The following MTAP variants were observed in gnomAD, a reference collection of about 807,000 sequenced individuals.
MTAP encodes S-methyl-5'-thioadenosine phosphorylase.
A neutral mutation model predicts 33.6 loss-of-function variants in MTAP; 33 were observed. The ratio of observed to expected loss-of-function variants is 0.98; its 90% CI spans 0.74 to 1.31. MTAP has a LOEUF of 1.31. Among genes scored for constraint, MTAP ranks in the 40% most tolerant of loss-of-function variants. The probability of loss-of-function intolerance (pLI) is 0.00; values close to 1 mark genes in which losing one functional copy is unlikely to be tolerated. For missense variants in MTAP, 367 were observed against 360.0 expected (o/e 1.02, Z -0.16); for synonymous variants, 148 against 125.7 (o/e 1.18, Z -1.19).
At chr9:21,918,832 T>G (rs1396634867) in intron 1 of MTAP, among the ~76,000 whole-genome samples, 1 of 151,660 alleles carries the variant, frequency 6.6e-6, no homozygotes, top group East Asian at 1.9e-4. Flanking sequence ...TTGTGAGGCC[T>G]CTTCAACCAT....
At chr9:21,915,233 C>T (rs1306282716) in intron 1 of MTAP, among the ~76,000 whole-genome samples, 1 of 151,486 alleles carries the variant, frequency 6.6e-6, no homozygotes, top group East Asian at 1.9e-4. Flanking sequence ...GGACTACAGG[C>T]ACCCGCCACC....
In MTAP at chr9:21,859,384, A is replaced by G. The variant is rs181734039; in HGVS notation, c.772A>G (p.Ile258Val). The change falls in exon 7 of 8, where the codon ATA becomes GTA. Residue 258 changes from isoleucine (I) to valine (V), a missense_variant. Physicochemically the swap from Ile to Val is conservative, Grantham distance 29. Coordinates refer to ENST00000644715, the MANE Select transcript of MTAP (RefSeq NM_002451.4). Reference sequence around the variant, plus strand: ...CTTACTGCTCACTACCATACCTCAGATAGGGTCCACAGAATGGTCAGAAAC... The same window carrying G: ...CTTACTGCTCACTACCATACCTCAGGTAGGGTCCACAGAATGGTCAGAAAC... The part of the protein sequence containing the change: ...KSLLLTTIPQ[I>V]GSTEWSETLH... The G allele has an allele frequency of 5.6e-6, 9 of 1,613,638 alleles. No homozygotes were observed. In the East Asian group the frequency reaches 2.0e-4, roughly 36 times the overall value.
Position 21,864,368 on chromosome 9 carries a change from A to C in MTAP, c.*2354A>C. 3 of 984,224 alleles carry C rather than the reference A, an allele frequency of 3.0e-6. No individual in the cohort carries two copies. Among genetic ancestry groups the C allele is most frequent in the Non-Finnish European group, 3.6e-6 (3 of 829,654 alleles). The allele number at this position is 984,224 out of a possible 1,614,324, so 61.0% of individuals were successfully genotyped here. ...TGTACTAATTTTTTTTTTTTAATTT[A>C]AGCTAGTATACTAAGTGAACACCAT... On this transcript the variant is annotated 3_prime_UTR_variant, in exon 8 of 8. Coordinates refer to ENST00000644715, the MANE Select transcript of MTAP (RefSeq NM_002451.4).
intron 1 of MTAP, chr9:21,930,115 C>A (rs1446227281): frequency 4.3e-6 from 2 of 464,786 alleles, no homozygotes; most frequent in Non-Finnish European, 4.3e-6. Flanking sequence ...AAATTGCCAA[C>A]CTCAGCTCCA....
At chr9:21,810,867 C>G (rs1824328424) in intron 1 of MTAP, among the ~76,000 whole-genome samples, 1 of 152,180 alleles carries the variant, frequency 6.6e-6, no homozygotes, top group Non-Finnish European at 1.5e-5. Context: ...CCCAGCTATC[C>G]CTGTGGACCC....
At chr9:21,842,719 G>C (rs1563843028) in intron 5 of MTAP, among the ~76,000 whole-genome samples, 1 of 152,142 alleles carries the variant, frequency 6.6e-6, no homozygotes, top group Non-Finnish European at 1.5e-5. Flanking sequence ...GAGAGAATTT[G>C]CCACTATTGA....
chr9:21,832,181 C>A (rs567158850), intron 4 of MTAP, among the ~76,000 whole-genome samples: 2 of 152,188 alleles, frequency 1.3e-5, no homozygotes, highest in Admixed American at 6.5e-5. Flanking sequence ...AGGAAAGTCC[C>A]GCTATAAACA....
intron 1 of MTAP, among the ~76,000 whole-genome samples, chr9:21,879,312 C>G (rs1817958075): frequency 1.3e-5 from 2 of 152,090 alleles, no homozygotes; most frequent in Admixed American, 1.3e-4. Context: ...TAATGCCCTT[C>G]TTTATCTTTT....
intron 4 of MTAP, among the ~76,000 whole-genome samples, chr9:21,833,224 C>T (rs761786379): frequency 6.6e-6 from 1 of 152,138 alleles, no homozygotes; most frequent in South Asian, 2.1e-4. Context: ...ATCTCACTCT[C>T]GCCCAAGCTG....
At chr9:21,835,746 C>T (rs1233449821) in intron 4 of MTAP, among the ~76,000 whole-genome samples, 1 of 152,194 alleles carries the variant, frequency 6.6e-6, no homozygotes, top group African/African-American at 2.4e-5. Context: ...TTGTAAACCT[C>T]ATTGCTCTTG....
intron 3 of MTAP, 39 bp downstream of exon 3, chr9:21,816,811 G>C (rs1378012787): frequency 6.5e-7 from 1 of 1,531,872 alleles, no homozygotes; most frequent in Admixed American, 1.9e-5. Context: ...ACTACTAAAG[G>C]ATAATTTAAA....
intron 1 of MTAP, among the ~76,000 whole-genome samples, chr9:21,874,313 T>G (rs954885183): frequency 4.6e-5 from 7 of 152,318 alleles, no homozygotes; most frequent in Non-Finnish European, 5.9e-5. Flanking sequence ...AATATTTCCA[T>G]GATAAGAATA....
chr9:21,851,032 TAAAGA>T (rs1337383180), intron 5 of MTAP, among the ~76,000 whole-genome samples: 2 of 152,128 alleles, frequency 1.3e-5, no homozygotes, highest in Non-Finnish European at 2.9e-5. Context: ...ACAATGGAAG[TAAAGA>T]AGAGTACACA....
chr9:21,811,975 C>T (rs1271491594), intron 1 of MTAP: 1 of 317,350 alleles, frequency 3.2e-6, no homozygotes, highest in East Asian at 7.8e-5. Context: ...ATGTGCATGT[C>T]CACCTCCTTC....
chr9:21,837,731 A>G (rs1246127990), intron 4 of MTAP, among the ~76,000 whole-genome samples, 177 bp from the exon 5 acceptor site: 2 of 152,188 alleles, frequency 1.3e-5, no homozygotes, highest in Non-Finnish European at 2.9e-5. Flanking sequence ...GAGCCAAAAA[A>G]GCGGAATACC....
chr9:21,814,550 T>A (rs117114752), intron 1 of MTAP, among the ~76,000 whole-genome samples: 3 of 152,332 alleles, frequency 2.0e-5, no homozygotes, highest in Non-Finnish European at 4.4e-5. Flanking sequence ...TTTTAACAGT[T>A]TAGTTAATTT....
At chr9:21,858,309 T>C (rs1587253923) in intron 6 of MTAP, among the ~76,000 whole-genome samples, 1 of 152,224 alleles carries the variant, frequency 6.6e-6, no homozygotes, top group East Asian at 1.9e-4. Context: ...CGATACCATA[T>C]TGAAATCTGT....
At chr9:21,886,752 T>C (rs1818117163) in intron 1 of MTAP, among the ~76,000 whole-genome samples, 1 of 152,156 alleles carries the variant, frequency 6.6e-6, no homozygotes, top group African/African-American at 2.4e-5. Context: ...ATATAAGTAT[T>C]GGACTTTATT....
At position 21,808,605 on chromosome 9, in the gene MTAP, AAC is replaced by A. The variant is rs567662513; in HGVS notation, c.33+5842_33+5843del. On this transcript the variant is annotated intron_variant, in intron 1 of 7. Transcript: ENST00000644715. ...AGACTCTGTTTCCAAAAAAAAAAAA[AAC>A]ACACACACACACACACAAACGTATT... Among the ~76,000 whole-genome samples the A allele has an allele frequency of 3.5e-3, 512 of 146,894 alleles. 38 individuals are homozygous for A. The highest frequency in any genetic ancestry group is 4.2e-3 in the East Asian group (21 of 5,006).
Sources: gnomAD v4.1 joint callset for allele counts (sites outside exome capture counted in the v4.1 genomes callset) on GRCh38, gnomAD v4.1.1 for gene constraint, MANE v1.5 for transcripts, NCBI Gene and HGNC (gene_info 2026-07-23, HGNC 2026-07-21) for gene names.